Variants in PCNX1 observed in about 807,000 individuals in gnomAD.
PCNX1 encodes pecanex-like protein 1.
In PCNX1, 78 loss-of-function variants were observed where a neutral mutation model predicts 242.2. That is an observed-to-expected ratio of 0.32 (90% CI 0.27 to 0.39). The LOEUF (loss-of-function observed/expected upper bound fraction) is 0.39. Among genes scored for constraint, PCNX1 ranks in the 10% least tolerant of loss-of-function variants. The pLI, the probability that PCNX1 is intolerant of heterozygous loss-of-function variation, is 1.00. For synonymous variants in PCNX1, 1,024 were observed against 1,032.9 expected (o/e 0.99, Z 0.17); for missense variants, 2,581 against 2,856.5 (o/e 0.90, Z 2.20).
At chr14:70,996,933 G>C (rs531605572) in intron 8 of PCNX1, among the ~76,000 whole-genome samples, 6 of 152,034 alleles carry the variant, frequency 3.9e-5, no homozygotes, top group Non-Finnish European at 8.8e-5. Flanking sequence ...TATTAAGTAC[G>C]TATGCATATC....
intron 19 of PCNX1, among the ~76,000 whole-genome samples, chr14:71,043,494 TCTCC>T (rs560394408): frequency 2.0e-4 from 30 of 151,066 alleles, no homozygotes; most frequent in African/African-American, 4.6e-4. Flanking sequence ...TCCTTCCCTC[TCTCC>T]CTCCCTCCCT....
At position 71,018,946 on chromosome 14, in the gene PCNX1, T is replaced by C; in HGVS notation, c.2997-63T>C. 8 of 1,384,208 alleles carry C rather than the reference T, an allele frequency of 5.8e-6. No homozygotes were observed. The South Asian group carries it at 1.1e-4, about 19-fold the overall frequency. The allele number at this position is 1,384,208 out of a possible 1,614,324, so 85.7% of individuals were successfully genotyped here. Reference sequence around the variant, plus strand: ...TCATATTTATGTCTTCCCTTCCCTTTTTTCCATTTGGTTAATTTCTTATAC... The same window carrying C: ...TCATATTTATGTCTTCCCTTCCCTTCTTTCCATTTGGTTAATTTCTTATAC... On this transcript the variant is annotated intron_variant, in intron 11 of 35. Coordinates refer to ENST00000304743, the MANE Select transcript of PCNX1 (RefSeq NM_014982.3).
At chr14:70,988,226 G>A (rs917222239) in intron 6 of PCNX1, among the ~76,000 whole-genome samples, 2 of 152,056 alleles carry the variant, frequency 1.3e-5, no homozygotes. Flanking sequence ...CTTAATTAAC[G>A]GGGTAATAGA....
chr14:70,911,343 G>GACTT (rs1217080887), intron 1 of PCNX1, among the ~76,000 whole-genome samples: 2 of 83,052 alleles, frequency 2.4e-5, no homozygotes, highest in East Asian at 4.9e-4. Flanking sequence ...ACAGTCTTAG[G>GACTT]ACTTTATAGG....
chr14:70,958,898 C>CTTTTTTTTT (rs56362741), intron 2 of PCNX1, among the ~76,000 whole-genome samples: 2 of 66,402 alleles, frequency 3.0e-5, no homozygotes, highest in African/African-American at 6.4e-5. Context: ...TTTGGGGTTG[C>CTTTTTTTTT]TTTTTTTTTT....
At chr14:70,992,675 A>G (rs2059203489) in intron 7 of PCNX1, among the ~76,000 whole-genome samples, 1 of 152,246 alleles carries the variant, frequency 6.6e-6, no homozygotes, top group African/African-American at 2.4e-5. Context: ...CAGTGGTGCT[A>G]GTGATAGCTG....
Position 71,109,874 on chromosome 14 carries a change from T to A in PCNX1, c.6965T>A (p.Ile2322Asn), listed in dbSNP as rs368244925. The A allele has an allele frequency of 1.2e-6, 2 of 1,613,090 alleles. No individual in the cohort carries two copies. Among genetic ancestry groups the A allele is most frequent in the Non-Finnish European group, 1.7e-6 (2 of 1,179,234 alleles). Residue 2322 changes from isoleucine (I) to asparagine (N), a missense_variant, in exon 36 of 36, where the codon ATT becomes AAT. Around this residue, in one of 9 missense-constraint regions of PCNX1, gnomAD observed 432 missense variants for 433.6 expected, o/e 1.00. Coordinates refer to ENST00000304743, the MANE Select transcript of PCNX1 (RefSeq NM_014982.3). The part of the protein sequence containing the change: ...HIDKAVLLVQ[I>N]DDKYVTVIET... ...GACAAGGCAGTGCTTCTGGTCCAGA[T>A]TGATGATAAATATGTGACTGTAATT...
Position 71,047,869 on chromosome 14 carries a change from C to T in PCNX1, c.4223C>T (p.Pro1408Leu). ...LKLLRSSFSS[P>L]TYQYVTVIFT... Reference sequence around the variant, plus strand: ...TTGCTACGATCCTCTTTTAGCAGCCCTACATATCAGTATGTTACAGTCATC... The same window carrying T: ...TTGCTACGATCCTCTTTTAGCAGCCTTACATATCAGTATGTTACAGTCATC... Residue 1408 changes from proline to leucine, a missense_variant, in exon 22 of 36, where the codon CCT (proline) becomes CTT (leucine). Coordinates refer to ENST00000304743, the MANE Select transcript of PCNX1 (RefSeq NM_014982.3). 1 of 1,613,110 alleles carries T rather than the reference C, an allele frequency of 6.2e-7. No individual in the cohort carries two copies. The highest frequency in any genetic ancestry group is 8.5e-7 in the Non-Finnish European group (1 of 1,179,300).
intron 6 of PCNX1, among the ~76,000 whole-genome samples, chr14:70,984,460 C>T (rs1353954321): frequency 6.6e-6 from 1 of 151,138 alleles, no homozygotes; most frequent in Non-Finnish European, 1.5e-5. Context: ...GATCTTGGCT[C>T]ACTGCAAGCT....
rs375849394 is a variant in PCNX1 at position 71,103,593 on chromosome 14, G to A, written c.6019G>A (p.Glu2007Lys). The stretch of plus-strand genomic sequence containing the variant: ...GACAACTTCTTACTCTGACAGCCAC[G>A]AACAGCTTAAAGACATTCTTGGGGG... ...PLTTSYSDSH[E>K]QLKDILGGPI... Residue 2007 changes from glutamate (E) to lysine (K), a missense_variant, in exon 32 of 36, where the codon GAA (glutamate) becomes AAA (lysine). Coordinates refer to ENST00000304743, the MANE Select transcript of PCNX1 (RefSeq NM_014982.3). The A allele has an allele frequency of 9.9e-6, 16 of 1,614,056 alleles. No homozygotes were observed. The highest frequency in any genetic ancestry group is 1.6e-4 in the Middle Eastern group (1 of 6,062).
chr14:70,983,555 G>A (rs553741684), intron 6 of PCNX1, among the ~76,000 whole-genome samples: 16 of 152,032 alleles, frequency 1.1e-4, no homozygotes, highest in Non-Finnish European at 1.5e-4. Context: ...CGCCCACCTC[G>A]GCCTCCCAAA....
chr14:70,918,088 G>A (rs2056222217), intron 1 of PCNX1, among the ~76,000 whole-genome samples: 1 of 152,182 alleles, frequency 6.6e-6, no homozygotes, highest in Non-Finnish European at 1.5e-5. Flanking sequence ...TTAGGCTTTT[G>A]GCTTAATTAA....
chr14:71,026,726 G>T, intron 14 of PCNX1, 46 bp from the exon 15 acceptor site: 2 of 828,104 alleles, frequency 2.4e-6, no homozygotes, highest in South Asian at 3.7e-5. Flanking sequence ...ACACAAGAAT[G>T]GATACAGTAT....
intron 1 of PCNX1, among the ~76,000 whole-genome samples, chr14:70,923,107 C>CAT (rs34428722): frequency 0.62 from 94,140 of 151,674 alleles, 29,378 homozygotes; most frequent in South Asian, 0.7. Context: ...GACACACACA[C>CAT]GTCTTTTTTC....
chr14:70,939,117 GTGTCTC>G (rs1264726699), intron 1 of PCNX1, among the ~76,000 whole-genome samples: 1 of 151,922 alleles, frequency 6.6e-6, no homozygotes, highest in Non-Finnish European at 1.5e-5. Flanking sequence ...AGGGTTTTTT[GTGTCTC>G]TGTCTCATTC....
chr14:70,914,063 G>T (rs924833779), intron 1 of PCNX1, among the ~76,000 whole-genome samples: 1 of 152,048 alleles, frequency 6.6e-6, no homozygotes, highest in Non-Finnish European at 1.5e-5. Flanking sequence ...TAAATTAAGG[G>T]TACACTGTCC....
At chr14:71,080,909 A>T (rs1382099739) in intron 28 of PCNX1, among the ~76,000 whole-genome samples, 1 of 152,068 alleles carries the variant, frequency 6.6e-6, no homozygotes, top group East Asian at 1.9e-4. Context: ...TACTGTGTTG[A>T]GTAGGAGTGG....
In PCNX1 at chr14:71,108,753, T is replaced by C; in HGVS notation, c.6451T>C (p.Ser2151Pro). 2 of 1,614,236 alleles carry C rather than the reference T, an allele frequency of 1.2e-6. No individual in the cohort carries two copies. Among genetic ancestry groups the C allele is most frequent in the Non-Finnish European group, 1.7e-6 (2 of 1,180,038 alleles). The stretch of plus-strand genomic sequence containing the variant: ...CACTGGGTTTGTGCCTTGTCGGCGC[T>C]CTTCTACTAGTCAGATATCGCTTCG... ...STTGFVPCRRSSTSQISLRNL... is the reference protein window; with the variant it reads ...STTGFVPCRRPSTSQISLRNL... Residue 2151 changes from serine (S) to proline (P), a missense_variant, in exon 34 of 36, where the codon TCT (serine) becomes CCT (proline). Physicochemically the swap from Ser to Pro is moderately conservative, Grantham distance 74. Around this residue, in one of 9 missense-constraint regions of PCNX1, gnomAD observed 432 missense variants for 433.6 expected, o/e 1.00. Coordinates refer to ENST00000304743, the MANE Select transcript of PCNX1 (RefSeq NM_014982.3).
At chr14:70,958,751 C>T (rs1307023136) in intron 2 of PCNX1, among the ~76,000 whole-genome samples, 1 of 151,994 alleles carries the variant, frequency 6.6e-6, no homozygotes, top group Non-Finnish European at 1.5e-5. Context: ...TGTGCTTATT[C>T]TAGAGCTAAT....
Sources: allele counts gnomAD v4.1 joint callset (sites outside exome capture counted in the v4.1 genomes callset), GRCh38; gene constraint gnomAD v4.1.1; regional missense constraint gnomAD v4.1.1; transcripts MANE v1.5; gene names NCBI Gene and HGNC (gene_info 2026-07-23, HGNC 2026-07-21).